The following JAM2 variants were observed in gnomAD, a reference collection of about 807,000 sequenced individuals.
JAM2 encodes the protein junctional adhesion molecule B.
JAM2 carries 17 observed loss-of-function variants against 42.0 expected under a neutral mutation model. That is an observed-to-expected ratio of 0.40 (90% CI 0.28 to 0.61). JAM2 has a LOEUF of 0.61. JAM2 is among the 20% of genes least tolerant of loss of function. JAM2 has a pLI of 0.37. For synonymous variants in JAM2, 118 were observed against 128.6 expected (o/e 0.92, Z 0.56); for missense variants, 319 against 358.3 (o/e 0.89, Z 0.89).
rs1291629903 is a variant in JAM2, at chr21:25,716,254, C to T, written c.*1582C>T. On this transcript the variant is annotated 3_prime_UTR_variant, in exon 10 of 10. Transcript: ENST00000480456. ...CAAATGATCCACCCCCATCAGCCTC[C>T]CAAAGTGCTGGGATTATAGGCATGA... The T allele has an allele frequency of 6.6e-6, 1 of 152,344 alleles. No individual in the cohort carries two copies. Among genetic ancestry groups the T allele is most frequent in the Non-Finnish European group, 1.5e-5 (1 of 68,164 alleles). 9.4% of individuals were successfully genotyped at this position (152,344 alleles called of 1,614,324 possible). A position where few individuals can be genotyped will look rare whatever the true frequency, so the allele number is the denominator to read the frequency against.
intron 1 of JAM2, among the ~76,000 whole-genome samples, chr21:25,675,691 G>A (rs1176226498): frequency 6.6e-6 from 1 of 152,122 alleles, no homozygotes; most frequent in East Asian, 1.9e-4. Flanking sequence ...TCTCAGGAGA[G>A]CTCGCTCACT....
intron 1 of JAM2, among the ~76,000 whole-genome samples, chr21:25,642,601 GTTGTTC>G (rs980771331): frequency 6.6e-6 from 1 of 151,878 alleles, no homozygotes; most frequent in African/African-American, 2.4e-5. Context: ...CTTTTTTGTT[GTTGTTC>G]TTGTTATTTA....
Position 25,639,844 on chromosome 21 carries a change from G to A in JAM2, c.23G>A (p.Arg8His). Reference protein sequence around the residue: MARRSRHRLLLLLLRYLV... With the variant: MARRSRHHLLLLLLRYLV... ...AAGATGGCGAGGAGGAGCCGCCACC[G>A]CCTCCTCCTGCTGCTGCTGCGCTAC... Residue 8 changes from arginine (R) to histidine (H), a missense_variant, in exon 1 of 10, where the codon CGC (arginine) becomes CAC (histidine). By Grantham distance (29) the Arg-to-His change is conservative (BLOSUM62 0). Coordinates refer to ENST00000480456, the MANE Select transcript of JAM2 (RefSeq NM_021219.4). 1 of 1,590,596 alleles carries A rather than the reference G, an allele frequency of 6.3e-7. No individual in the cohort carries two copies.
chr21:25,673,700 G>A (rs2033414088), intron 1 of JAM2, among the ~76,000 whole-genome samples: 1 of 152,198 alleles, frequency 6.6e-6, no homozygotes, highest in Non-Finnish European at 1.5e-5. Context: ...CTGTGGAGCA[G>A]ACTAAGCAGA....
intron 1 of JAM2, among the ~76,000 whole-genome samples, chr21:25,640,297 A>T (rs2032395400): frequency 6.6e-6 from 1 of 151,950 alleles, no homozygotes; most frequent in Admixed American, 6.6e-5. Context: ...CCACACTTTG[A>T]GTCCCCGGGG....
chr21:25,654,228 A>T (rs556441807), intron 1 of JAM2, among the ~76,000 whole-genome samples: 3 of 152,340 alleles, frequency 2.0e-5, no homozygotes, highest in East Asian at 1.9e-4. Flanking sequence ...CATTTGCAGC[A>T]TGTAATTGAC....
intron 3 of JAM2, among the ~76,000 whole-genome samples, chr21:25,691,566 AATAAT>A (rs2033881872): frequency 6.6e-6 from 1 of 152,214 alleles, no homozygotes; most frequent in Non-Finnish European, 1.5e-5. Flanking sequence ...CAAAAAATAA[AATAAT>A]GTTTTTAACC....
chr21:25,675,591 GGAAA>G (rs968175181), intron 1 of JAM2, among the ~76,000 whole-genome samples: 1 of 141,380 alleles, frequency 7.1e-6, no homozygotes, highest in African/African-American at 2.6e-5. Context: ...AAGGAAGGAA[GGAAA>G]GAAGGAAGGA....
At chr21:25,680,869 GCA>G (rs2033615588) in intron 1 of JAM2, among the ~76,000 whole-genome samples, 1 of 152,162 alleles carries the variant, frequency 6.6e-6, no homozygotes, top group Non-Finnish European at 1.5e-5. Context: ...ACAGAATGAA[GCA>G]CCAGGATCAG....
intron 1 of JAM2, among the ~76,000 whole-genome samples, chr21:25,663,671 G>A (rs555432861): frequency 1.3e-5 from 2 of 152,242 alleles, no homozygotes; most frequent in Non-Finnish European, 2.9e-5. Context: ...CGCTCACCCT[G>A]TGATGCCCTG....
chr21:25,658,098 G>C (rs1323048604), intron 1 of JAM2, among the ~76,000 whole-genome samples: 3 of 152,144 alleles, frequency 2.0e-5, no homozygotes, highest in Non-Finnish European at 4.4e-5. Flanking sequence ...TGGGAAGAAA[G>C]GGTAACTGTA....
intron 8 of JAM2, chr21:25,711,232 T>G (rs184657840): frequency 6.7e-6 from 2 of 297,094 alleles, no homozygotes; most frequent in African/African-American, 4.4e-5. Context: ...TAACTGAATA[T>G]TCAAAATCTA....
At chr21:25,660,759 C>CAT (rs1311949044) in intron 1 of JAM2, among the ~76,000 whole-genome samples, 6,290 of 53,406 alleles carry the variant, frequency 0.12, 746 homozygotes, top group Non-Finnish European at 0.15. Context: ...TCACAATAAC[C>CAT]ATATATATAT....
chr21:25,714,893 A>T lies in JAM2; in HGVS notation c.*221A>T. The stretch of plus-strand genomic sequence containing the variant: ...AATCTGGCTTCTTGTGTCTGGACTA[A>T]GTTAAAAGAATTAAAATACTTTGTA... On this transcript the variant is annotated 3_prime_UTR_variant, in exon 10 of 10. Coordinates refer to ENST00000480456, the MANE Select transcript of JAM2 (RefSeq NM_021219.4). The T allele has an allele frequency of 2.4e-6, 1 of 410,970 alleles. No homozygotes were observed. Among genetic ancestry groups the T allele is most frequent in the Admixed American group, 4.4e-5 (1 of 22,574 alleles). The allele number at this position is 410,970 out of a possible 1,614,324, so 25.5% of individuals were successfully genotyped here. A position where few individuals can be genotyped will look rare whatever the true frequency, so the allele number is the denominator to read the frequency against.
At chr21:25,698,254 G>C (rs769010315) in intron 4 of JAM2, among the ~76,000 whole-genome samples, 12 of 152,184 alleles carry the variant, frequency 7.9e-5, no homozygotes, top group Admixed American at 1.3e-4. Context: ...GAAATCATTA[G>C]AGACTCAACC....
chr21:25,659,495 A>C (rs957087969), intron 1 of JAM2, among the ~76,000 whole-genome samples: 14 of 152,238 alleles, frequency 9.2e-5, no homozygotes, highest in African/African-American at 2.9e-4. Context: ...GTCTTTCACT[A>C]CTTCCCAACT....
At chr21:25,660,109 C>G (rs771632055) in intron 1 of JAM2, among the ~76,000 whole-genome samples, 6 of 152,064 alleles carry the variant, frequency 3.9e-5, no homozygotes, top group African/African-American at 1.4e-4. Context: ...TTAGTAGAGA[C>G]GGGGTTTCAC....
intron 8 of JAM2, chr21:25,710,326 C>G (rs2034357407): frequency 6.6e-6 from 1 of 152,102 alleles, no homozygotes; most frequent in Non-Finnish European, 1.5e-5. Flanking sequence ...CCAAAAACCC[C>G]ACAAAACTCT....
chr21:25,653,205 A>G (rs1600995163), intron 1 of JAM2, among the ~76,000 whole-genome samples: 2 of 152,358 alleles, frequency 1.3e-5, no homozygotes, highest in Admixed American at 1.3e-4. Context: ...ATAATAAATG[A>G]GAAGGGAGTT....
Sources: allele counts gnomAD v4.1 joint callset (sites outside exome capture counted in the v4.1 genomes callset), GRCh38; gene constraint gnomAD v4.1.1; transcripts MANE v1.5; gene names NCBI Gene and HGNC (gene_info 2026-07-23, HGNC 2026-07-21).